TENM3: variants seen among roughly 807,000 people sequenced by gnomAD.
TENM3 encodes teneurin transmembrane protein 3, also known as teneurin-3.
TENM3 carries 63 observed loss-of-function variants against 255.1 expected under a neutral mutation model. That is an observed-to-expected ratio of 0.25 (90% CI 0.20 to 0.30). TENM3 has a LOEUF of 0.30. Ranked by LOEUF, TENM3 falls within the 10% of genes least tolerant of loss-of-function variation. TENM3 has a pLI of 1.00. For missense variants in TENM3, 2,929 were observed against 3,461.1 expected (o/e 0.85, Z 3.86); for synonymous variants, 1,306 against 1,322.3 (o/e 0.99, Z 0.27).
chr4:182,171,396 G>C (rs1371277738), intron 1 of TENM3, among the ~76,000 whole-genome samples: 1 of 151,634 alleles, frequency 6.6e-6, no homozygotes, highest in Non-Finnish European at 1.5e-5. Flanking sequence ...TTTTTTTCTT[G>C]TATGAGCCGA....
the TENM3 span, among the ~76,000 whole-genome samples, chr4:181,523,719 C>T: frequency 6.6e-6 from 1 of 152,138 alleles, no homozygotes; most frequent in Non-Finnish European, 1.5e-5. Context: ...AAGCTCTAAC[C>T]AAGAGGAGAG....
chr4:182,201,885 G>A (rs1272411340), intron 1 of TENM3, among the ~76,000 whole-genome samples: 3 of 152,296 alleles, frequency 2.0e-5, no homozygotes, highest in African/African-American at 7.2e-5. Context: ...ATGTTAAAGA[G>A]TCTTTTAGGA....
chr4:181,538,270 A>G, the TENM3 span, among the ~76,000 whole-genome samples: 1 of 152,328 alleles, frequency 6.6e-6, no homozygotes, highest in East Asian at 1.9e-4. Flanking sequence ...CTTGGCTTGT[A>G]GCAAGCATGG....
At chr4:181,919,880 C>T in the TENM3 span, among the ~76,000 whole-genome samples, 2 of 105,532 alleles carry the variant, frequency 1.9e-5, no homozygotes, top group Non-Finnish European at 3.7e-5. Flanking sequence ...CTATCCCTCC[C>T]CCCTCCCCCC....
chr4:182,554,808 G>A (rs1257815489), intron 3 of TENM3, among the ~76,000 whole-genome samples: 1 of 151,750 alleles, frequency 6.6e-6, no homozygotes, highest in Non-Finnish European at 1.5e-5. Context: ...GAAGAGAGGG[G>A]TCAGTGTCTA....
chr4:181,564,576 T>C, the TENM3 span, among the ~76,000 whole-genome samples: 1 of 152,104 alleles, frequency 6.6e-6, no homozygotes, highest in African/African-American at 2.4e-5. Flanking sequence ...TTAAACAGTG[T>C]GTATGGAACT....
At chr4:182,710,702 T>A (rs1758688704) in intron 12 of TENM3, among the ~76,000 whole-genome samples, 1 of 152,216 alleles carries the variant, frequency 6.6e-6, no homozygotes, top group Admixed American at 6.5e-5. Context: ...ATGTCAGCAG[T>A]GAAAAATAAT....
At chr4:181,634,990 G>A in the TENM3 span, among the ~76,000 whole-genome samples, 3 of 152,030 alleles carry the variant, frequency 2.0e-5, no homozygotes, top group Non-Finnish European at 4.4e-5. Flanking sequence ...GCAGGAAAGA[G>A]AAAAATATAT....
intron 1 of TENM3, among the ~76,000 whole-genome samples, chr4:182,165,856 A>G (rs570589890): frequency 2.9e-4 from 44 of 151,520 alleles, no homozygotes; most frequent in Middle Eastern, 3.4e-3. Flanking sequence ...GCTCACTACA[A>G]CCTCCATCTC....
chr4:182,741,184 A>G (rs1258225079), intron 18 of TENM3, among the ~76,000 whole-genome samples: 3 of 152,236 alleles, frequency 2.0e-5, no homozygotes, highest in Non-Finnish European at 2.9e-5. Flanking sequence ...TCAAAAATAA[A>G]TAAATAAAAG....
the TENM3 span, among the ~76,000 whole-genome samples, chr4:181,506,548 G>T: frequency 6.6e-6 from 1 of 151,984 alleles, no homozygotes; most frequent in Non-Finnish European, 1.5e-5. Flanking sequence ...GGGGAAAACC[G>T]AGATACGCTG....
intron 17 of TENM3, 107 bp from the exon 18 acceptor site, chr4:182,738,292 TAC>T: frequency 1.1e-6 from 1 of 889,664 alleles, no homozygotes; most frequent in South Asian, 2.7e-5. Flanking sequence ...TAAGTGGAAA[TAC>T]AGTCTCAGAA....
chr4:181,801,300 T>C, the TENM3 span, among the ~76,000 whole-genome samples: 3 of 152,112 alleles, frequency 2.0e-5, no homozygotes, highest in African/African-American at 4.8e-5. Flanking sequence ...AGATGAACAG[T>C]GACAGGTTCT....
At chr4:181,515,145 C>A in the TENM3 span, among the ~76,000 whole-genome samples, 1 of 152,210 alleles carries the variant, frequency 6.6e-6, no homozygotes. Flanking sequence ...AGTTCCAGTT[C>A]TCTTACAACA....
At chr4:181,770,697 AGAG>A in the TENM3 span, among the ~76,000 whole-genome samples, 1 of 139,616 alleles carries the variant, frequency 7.2e-6, no homozygotes, top group Admixed American at 7.3e-5. Flanking sequence ...AAAAAAAAAA[AGAG>A]TGAGGAAGTT....
intron 26 of TENM3, among the ~76,000 whole-genome samples, chr4:182,795,056 G>T (rs1351583079): frequency 6.6e-6 from 1 of 151,978 alleles, no homozygotes; most frequent in Non-Finnish European, 1.5e-5. Flanking sequence ...ATACTGAGAT[G>T]TCTGTTCTCT....
chr4:181,451,523 G>A, the TENM3 span, among the ~76,000 whole-genome samples: 1 of 152,270 alleles, frequency 6.6e-6, no homozygotes, highest in Admixed American at 6.5e-5. Context: ...GGAAAGGATA[G>A]GAGAGACCAA....
intron 3 of TENM3, among the ~76,000 whole-genome samples, chr4:182,474,302 T>C (rs1733449384): frequency 6.6e-6 from 1 of 152,236 alleles, no homozygotes; most frequent in Admixed American, 6.5e-5. Context: ...TTAATGCACT[T>C]GAAAATATTC....
Position 182,754,944 on chromosome 4 carries a change from T to C in TENM3, c.4577T>C (p.Ile1526Thr). The C allele has an allele frequency of 6.2e-7, 1 of 1,614,054 alleles. No homozygotes were observed. Among genetic ancestry groups the C allele is most frequent in the Admixed American group, 1.7e-5 (1 of 60,032 alleles). The change falls in exon 22 of 28, where the codon ATC (isoleucine) becomes ACC (threonine). Residue 1526 changes from isoleucine (I) to threonine (T), a missense_variant. Coordinates refer to ENST00000511685, the MANE Select transcript of TENM3 (RefSeq NM_001080477.4). The surrounding 1 kb of genome is among the most constrained non-coding windows in gnomAD (Gnocchi z 5.1). ...PTDQELYIFD[I>T]NGTHQYTVSL... Reference sequence around the variant, plus strand: ...GATCAAGAACTCTACATCTTTGACATCAATGGTACTCACCAATATACTGTA... The same window carrying C: ...GATCAAGAACTCTACATCTTTGACACCAATGGTACTCACCAATATACTGTA...
Sources: gnomAD v4.1 joint callset for allele counts (sites outside exome capture counted in the v4.1 genomes callset) on GRCh38, gnomAD v4.1.1 for gene constraint, Gnocchi (gnomAD v3.1) non-coding constraint, MANE v1.5 for transcripts, NCBI Gene and HGNC (gene_info 2026-07-23, HGNC 2026-07-21) for gene names.